CCNF: variants seen among roughly 807,000 people sequenced by gnomAD.
The protein encoded by CCNF is cyclin-F.
A neutral mutation model predicts 85.4 loss-of-function variants in CCNF; 30 were observed. That is an observed-to-expected ratio of 0.35 (90% confidence interval 0.26 to 0.48). CCNF has a LOEUF of 0.48. Among genes scored for constraint, CCNF ranks in the 20% least tolerant of loss-of-function variants. The pLI is 0.99. For synonymous variants in CCNF, 439 were observed against 425.1 expected (o/e 1.03, Z -0.40); for missense variants, 919 against 1,010.4 (o/e 0.91, Z 1.23).
intron 8 of CCNF, among the ~76,000 whole-genome samples, chr16:2,440,699 CG>C (rs2065316601): frequency 1.3e-5 from 2 of 152,176 alleles, no homozygotes; most frequent in Non-Finnish European, 2.9e-5. Context: ...GAGTGATCTG[CG>C]CTCAAATGCT....
Position 2,439,453 on chromosome 16 carries a change from C to T in CCNF, c.695C>T (p.Thr232Ile). The change falls in exon 7 of 17, where the codon ACA (threonine) becomes ATA (isoleucine). Residue 232 changes from threonine to isoleucine, a missense_variant. Around this residue, in one of 3 missense-constraint regions of CCNF, gnomAD observed 410 missense variants for 478.6 expected, o/e 0.86. Transcript: ENST00000397066. Reference protein sequence around the residue: ...SYLLWESDRRTDVSDPGRCLH... With the variant: ...SYLLWESDRRIDVSDPGRCLH... Reference sequence around the variant, plus strand: ...CTCCTCTGGGAAAGCGACAGGAGGACAGATGTGAGTGGTGCCTGCTCTGGG... The same window carrying T: ...CTCCTCTGGGAAAGCGACAGGAGGATAGATGTGAGTGGTGCCTGCTCTGGG... 1 of 1,604,044 alleles carries T rather than the reference C, an allele frequency of 6.2e-7. No individual in the cohort carries two copies. Among genetic ancestry groups the T allele is most frequent in the Non-Finnish European group, 8.5e-7 (1 of 1,173,258 alleles).
chr16:2,454,057 C>T (rs1224208832), intron 15 of CCNF, among the ~76,000 whole-genome samples: 8 of 152,324 alleles, frequency 5.3e-5, no homozygotes, highest in East Asian at 1.9e-4. Context: ...CACAAGGCCC[C>T]GATGAACAGG....
intron 3 of CCNF, 47 bp downstream of exon 3, chr16:2,433,114 T>C (rs1211244684): frequency 2.4e-6 from 3 of 1,227,178 alleles, no homozygotes; most frequent in South Asian, 2.5e-5. Context: ...TGCCTTGGCC[T>C]CCCTATGTGC....
chr16:2,430,136 C>T (rs1194848725), intron 1 of CCNF, among the ~76,000 whole-genome samples: 1 of 152,068 alleles, frequency 6.6e-6, no homozygotes, highest in Non-Finnish European at 1.5e-5. Context: ...AGGAAGACCC[C>T]GGTCAAGAGA....
At chr16:2,445,723 T>TGG in intron 10 of CCNF, 101 bp downstream of exon 10, 2 of 997,510 alleles carry the variant, frequency 2.0e-6, no homozygotes, top group Non-Finnish European at 2.7e-6. Context: ...GGTTTTGTTT[T>TGG]GTGTTGTTTT....
Position 2,453,065 on chromosome 16 carries a change from C to CT in CCNF, c.1488-144dup. The CT allele has an allele frequency of 1.4e-6, 1 of 697,190 alleles. No homozygotes were observed. 43.2% of individuals were successfully genotyped at this position (697,190 alleles called of 1,614,324 possible). On this transcript the variant is annotated intron_variant, in intron 13 of 16. Transcript: ENST00000397066. The surrounding 1 kb of genome is among the most constrained non-coding windows in gnomAD (Gnocchi z 5.6). Reference sequence around the variant, plus strand: ...GAGGAATTGCTAGGTCCTGTGGTGACTGAGTTTAACCATTCGGGGAACTGC... The same window carrying CT: ...GAGGAATTGCTAGGTCCTGTGGTGACTTGAGTTTAACCATTCGGGGAACTGC...
rs747155122 is a variant in CCNF, at chr16:2,445,652, G to T, written c.1094+30G>T. 3.7e-6 allele frequency: 6 copies of T among 1,602,204 alleles called. No individual in the cohort carries two copies. In the East Asian group the frequency reaches 8.9e-5, roughly 24 times the overall value. On this transcript the variant is annotated intron_variant, in intron 10 of 16. Transcript: ENST00000397066. Reference sequence around the variant, plus strand: ...GAAGCCCCCTTGGCCCAGCTGGCAGGGACGTGCTGGCCTTTCCCGGGTTCA... The same window carrying T: ...GAAGCCCCCTTGGCCCAGCTGGCAGTGACGTGCTGGCCTTTCCCGGGTTCA...
At chr16:2,435,758 C>T (rs575885240) in intron 3 of CCNF, 48 bp from the exon 4 acceptor site, 44 of 1,421,314 alleles carry the variant, frequency 3.1e-5, no homozygotes, top group Non-Finnish European at 3.9e-5. Context: ...TAGTTCATAA[C>T]GTTTGTGGCA....
intron 3 of CCNF, among the ~76,000 whole-genome samples, chr16:2,434,168 C>T (rs1025508491): frequency 6.6e-5 from 10 of 151,538 alleles, no homozygotes; most frequent in Admixed American, 2.6e-4. Context: ...TAGCTGGATG[C>T]GGTGATGGGC....
chr16:2,441,990 TTTTTGTTTTGTTTTG>T (rs1210309459), intron 8 of CCNF, among the ~76,000 whole-genome samples: 2 of 132,584 alleles, frequency 1.5e-5, no homozygotes, highest in South Asian at 2.4e-4. Context: ...TATGTTTTTG[TTTTTGTTTTGTTTTG>T]TTTTGTTTTG....
In CCNF at chr16:2,457,918, A is replaced by C. The variant is rs982292824; in HGVS notation, c.*898A>C. Reference sequence around the variant, plus strand: ...TTCCCAGATAGGCTAGCCAGAAAAAACTTCAAGTCCTCTGTAACATCTGAG... The same window carrying C: ...TTCCCAGATAGGCTAGCCAGAAAAACCTTCAAGTCCTCTGTAACATCTGAG... On this transcript the variant is annotated 3_prime_UTR_variant, in exon 17 of 17. Coordinates refer to ENST00000397066, the MANE Select transcript of CCNF (RefSeq NM_001761.3). The C allele has an allele frequency of 6.6e-6, 1 of 152,222 alleles. No homozygotes were observed. The highest frequency in any genetic ancestry group is 2.4e-5 in the African/African-American group (1 of 41,444). 9.4% of individuals were successfully genotyped at this position (152,222 alleles called of 1,614,324 possible).
intron 8 of CCNF, 88 bp downstream of exon 8, chr16:2,439,914 G>T: frequency 3.5e-6 from 4 of 1,154,390 alleles, no homozygotes; most frequent in Non-Finnish European, 5.1e-6. Flanking sequence ...ACATTGGGGG[G>T]CAGGACTATC....
chr16:2,437,262 C>T lies in CCNF; in HGVS notation c.480C>T (p.Ser160=), dbSNP rs768114267. 44 of 1,610,318 alleles carry T rather than the reference C, an allele frequency of 2.7e-5. 1 individual carries two copies. The highest frequency in any genetic ancestry group is 2.5e-4 in the Admixed American group (15 of 59,964). Residue 160 remains serine, a synonymous_variant, in exon 5 of 17, where the codon AGC becomes AGT. Coordinates refer to ENST00000397066, the MANE Select transcript of CCNF (RefSeq NM_001761.3). ...TCATCCGCCCTCCGTGGTCGGTGAG[C>T]GGAAGCTGCTGCAAGGCCGTGGTTC... The part of the protein sequence containing the change: ...WLFIRPPWSV[S]GSCCKAVVHE...
chr16:2,437,851 A>ATT, intron 5 of CCNF: 1 of 513,336 alleles, frequency 1.9e-6, no homozygotes, highest in Non-Finnish European at 3.5e-6. Context: ...ATGAGCCGTG[A>ATT]CTATGCCAAT....
rs1397931698 is a variant in CCNF at position 2,455,557 on chromosome 16, G to A, written c.1878G>A (p.Glu626=). The change falls in exon 16 of 17, where the codon GAG becomes GAA. Residue 626 remains glutamate, a synonymous_variant. Coordinates refer to ENST00000397066, the MANE Select transcript of CCNF (RefSeq NM_001761.3). The part of the protein sequence containing the change: ...EGDQESEGEK[E]GDVTAPSGIL... ...ACCAGGAGAGTGAGGGCGAGAAGGA[G>A]GGCGACGGTGAGTGTGGGGCCAGGG... The A allele has an allele frequency of 1.3e-6, 2 of 1,593,776 alleles. No individual in the cohort carries two copies. Among genetic ancestry groups the A allele is most frequent in the Non-Finnish European group, 1.7e-6 (2 of 1,163,764 alleles).
rs1271299527 is a variant in CCNF at position 2,445,439 on chromosome 16, C to T, written c.930-19C>T. 5 of 1,613,458 alleles carry T rather than the reference C, an allele frequency of 3.1e-6. No individual in the cohort carries two copies. Among genetic ancestry groups the T allele is most frequent in the East Asian group, 4.5e-5 (2 of 44,888 alleles). Reference sequence around the variant, plus strand: ...TGGAGAACGCCCCCACCAGTTCCCACGTGCTTCTCTTTCCGCAGGTACATT... The same window carrying T: ...TGGAGAACGCCCCCACCAGTTCCCATGTGCTTCTCTTTCCGCAGGTACATT... On this transcript the variant is annotated intron_variant, in intron 9 of 16. Coordinates refer to ENST00000397066, the MANE Select transcript of CCNF (RefSeq NM_001761.3).
At chr16:2,431,553 G>T (rs574448430) in intron 2 of CCNF, among the ~76,000 whole-genome samples, 2 of 151,472 alleles carry the variant, frequency 1.3e-5, no homozygotes, top group Non-Finnish European at 2.9e-5. Flanking sequence ...GGTGTCTCAC[G>T]CCTGTAATCC....
chr16:2,449,928 C>A lies in CCNF; in HGVS notation c.1487+13C>A. On this transcript the variant is annotated intron_variant, in intron 13 of 16. Transcript: ENST00000397066. ...TCCATAAGAAGTGGTGAGTTTTGGC[C>A]GGGCGCAGAGGCTCATGCCTGTAAC... 3.8e-6 allele frequency: 6 copies of A among 1,593,898 alleles called. No individual in the cohort carries two copies. The highest frequency in any genetic ancestry group is 5.2e-6 in the Non-Finnish European group (6 of 1,161,752).
At position 2,454,298 on chromosome 16, in the gene CCNF, G is replaced by A. The variant is rs181988754; in HGVS notation, c.1715+761G>A. ...TGCTGCTGCTTCCTCCCCAAGAAGC[G>A]TGACAGCACTTTCCATTGTGTGGAA... On this transcript the variant is annotated intron_variant, in intron 15 of 16. Coordinates refer to ENST00000397066, the MANE Select transcript of CCNF (RefSeq NM_001761.3). Among the ~76,000 whole-genome samples, 438 of 152,316 alleles carry A rather than the reference G, an allele frequency of 2.9e-3. 4 individuals carry two copies. Among genetic ancestry groups the A allele is most frequent in the Non-Finnish European group, 3.6e-3 (244 of 68,018 alleles).
Sources: allele counts gnomAD v4.1 joint callset (sites outside exome capture counted in the v4.1 genomes callset), GRCh38; gene constraint gnomAD v4.1.1; regional missense constraint gnomAD v4.1.1; non-coding constraint Gnocchi (gnomAD v3.1); transcripts MANE v1.5; gene names NCBI Gene and HGNC (gene_info 2026-07-23, HGNC 2026-07-21).